The following DAB1 variants were observed in gnomAD, a reference collection of about 807,000 sequenced individuals.
The protein encoded by DAB1 is DAB adaptor protein 1.
A neutral mutation model predicts 64.6 loss-of-function variants in DAB1; 15 were observed. That is an observed-to-expected ratio of 0.23 (90% CI 0.16 to 0.36). DAB1 has a LOEUF of 0.36. DAB1 is among the 10% of genes least tolerant of loss of function. The pLI is 1.00. For synonymous variants in DAB1, 235 were observed against 251.9 expected (o/e 0.93, Z 0.64); for missense variants, 596 against 706.7 (o/e 0.84, Z 1.78).
At chr1:57,887,241 A>T (rs114521034), upstream of DAB1, among the ~76,000 whole-genome samples, 329 of 152,236 alleles carry the variant, frequency 2.2e-3, 2 homozygotes, top group African/African-American at 7.1e-3. Flanking sequence ...CACTCATCTC[A>T]TTGAGCCTAT....
intron 7 of DAB1, among the ~76,000 whole-genome samples, chr1:57,571,771 C>T (rs1458225383): frequency 6.6e-6 from 1 of 152,148 alleles, no homozygotes; most frequent in Non-Finnish European, 1.5e-5. Flanking sequence ...AGGAATTAAA[C>T]AGAGAAATAA....
intron 1 of DAB1, among the ~76,000 whole-genome samples, chr1:57,347,224 G>A (rs1678183930): frequency 6.6e-6 from 1 of 152,136 alleles, no homozygotes; most frequent in Admixed American, 6.5e-5. Context: ...GCCCCAAATG[G>A]GGCAAAACAT....
At chr1:58,157,608 G>GGGT (rs964020779) in intron 4 of DAB1, among the ~76,000 whole-genome samples, 7 of 152,144 alleles carry the variant, frequency 4.6e-5, no homozygotes, top group African/African-American at 1.7e-4. Context: ...TTGAAAATGA[G>GGGT]GGTGTTCTAG....
chr1:58,376,484 T>A (rs1223467121), intron 3 of DAB1, among the ~76,000 whole-genome samples: 2 of 140,048 alleles, frequency 1.4e-5, no homozygotes, highest in African/African-American at 5.4e-5. Flanking sequence ...TGTAGTTGAG[T>A]GGCTCTGAGT....
chr1:58,083,685 G>T (rs1650135063), intron 5 of DAB1, among the ~76,000 whole-genome samples: 1 of 152,194 alleles, frequency 6.6e-6, no homozygotes, highest in South Asian at 2.1e-4. Context: ...GAATAAAATA[G>T]ACAAAGTCCC....
intron 6 of DAB1, among the ~76,000 whole-genome samples, chr1:57,741,739 C>T (rs996363733): frequency 2.0e-5 from 3 of 152,224 alleles, no homozygotes; most frequent in Non-Finnish European, 4.4e-5. Flanking sequence ...CTTGCTTCCA[C>T]TGCCGAGTGA....
intron 4 of DAB1, among the ~76,000 whole-genome samples, chr1:57,101,726 G>A (rs1189887702): frequency 1.3e-5 from 2 of 152,228 alleles, no homozygotes; most frequent in African/African-American, 2.4e-5. Flanking sequence ...GCTAGGCACT[G>A]GGGGTACAGG....
At chr1:57,368,684 C>T (rs1680257043) in intron 1 of DAB1, among the ~76,000 whole-genome samples, 1 of 152,176 alleles carries the variant, frequency 6.6e-6, no homozygotes, top group South Asian at 2.1e-4. Flanking sequence ...CTCCTCTGAG[C>T]TGTTCTAACA....
intron 7 of DAB1, among the ~76,000 whole-genome samples, chr1:57,550,739 C>G (rs1245360010): frequency 6.6e-6 from 1 of 152,132 alleles, no homozygotes; most frequent in Non-Finnish European, 1.5e-5. Context: ...TTTCTTAGTG[C>G]TTAACACAGA....
At chr1:58,419,343 A>T (rs182208232) in intron 3 of DAB1, among the ~76,000 whole-genome samples, 29 of 152,300 alleles carry the variant, frequency 1.9e-4, no homozygotes, top group African/African-American at 7.0e-4. Context: ...TTTATCTCAC[A>T]ATATTTGAAA....
intron 7 of DAB1, among the ~76,000 whole-genome samples, chr1:57,610,151 G>C (rs1460061158): frequency 6.6e-6 from 1 of 152,134 alleles, no homozygotes; most frequent in Middle Eastern, 3.2e-3. Flanking sequence ...TTCAAGACTT[G>C]CCAGTTATCT....
intron 1 of DAB1, among the ~76,000 whole-genome samples, chr1:57,296,765 A>G (rs1406234032): frequency 6.6e-6 from 1 of 152,182 alleles, no homozygotes; most frequent in East Asian, 1.9e-4. Context: ...ATAGCAGAAC[A>G]GGTGCTGACT....
chr1:58,376,399 A>G (rs909559420), intron 3 of DAB1, among the ~76,000 whole-genome samples: 12 of 134,486 alleles, frequency 8.9e-5, no homozygotes, highest in African/African-American at 1.7e-4. Context: ...CATTGGTTTC[A>G]AAGAACATCT....
At chr1:57,240,431 C>G (rs568607300) in intron 2 of DAB1, among the ~76,000 whole-genome samples, 40 of 152,280 alleles carry the variant, frequency 2.6e-4, no homozygotes, top group African/African-American at 9.4e-4. Flanking sequence ...TTGGGAAAAA[C>G]AGCTGAAATA....
intron 5 of DAB1, among the ~76,000 whole-genome samples, chr1:57,946,536 T>G (rs983378995): frequency 1.3e-5 from 2 of 152,208 alleles, no homozygotes; most frequent in African/African-American, 2.4e-5. Context: ...ACAGGCTCTT[T>G]GCTTTGGGCA....
At chr1:58,078,881 A>G (rs1337310736) in intron 5 of DAB1, among the ~76,000 whole-genome samples, 1 of 152,042 alleles carries the variant, frequency 6.6e-6, no homozygotes, top group Non-Finnish European at 1.5e-5. Flanking sequence ...AATTTGGGAG[A>G]CTTGGTTTTT....
At chr1:57,213,196 G>T (rs1308863902) in intron 2 of DAB1, among the ~76,000 whole-genome samples, 1 of 152,102 alleles carries the variant, frequency 6.6e-6, no homozygotes, top group Non-Finnish European at 1.5e-5. Context: ...AATGGGGGAT[G>T]GGGGGTGGGA....
At chr1:58,437,151 T>C (rs1397779110) in intron 3 of DAB1, among the ~76,000 whole-genome samples, 1 of 152,176 alleles carries the variant, frequency 6.6e-6, no homozygotes, top group African/African-American at 2.4e-5. Context: ...TTGTCAAATG[T>C]GAATGTGCCT....
intron 4 of DAB1, among the ~76,000 whole-genome samples, chr1:58,290,543 T>C (rs1349130714): frequency 1.3e-5 from 2 of 152,114 alleles, no homozygotes; most frequent in Non-Finnish European, 2.9e-5. Flanking sequence ...CTAATCTATA[T>C]GTCACAGTAG....
Sources: allele counts gnomAD v4.1 joint callset (sites outside exome capture counted in the v4.1 genomes callset), GRCh38; gene constraint gnomAD v4.1.1; transcripts MANE v1.5; gene names NCBI Gene and HGNC (gene_info 2026-07-23, HGNC 2026-07-21).